The following ZSCAN5A variants were observed in gnomAD, a reference collection of about 807,000 sequenced individuals.
The protein encoded by ZSCAN5A is zinc finger and SCAN domain containing 5A.
ZSCAN5A carries 12 observed loss-of-function variants against 23.7 expected under a neutral mutation model. The observed-to-expected ratio is 0.51, with a 90% CI of 0.32 to 0.82. The LOEUF is 0.82. ZSCAN5A is among the 40% of genes least tolerant of loss of function. The pLI is 0.03. For synonymous variants in ZSCAN5A, 257 were observed against 239.9 expected, an observed-to-expected ratio of 1.07 and a Z score of -0.66; for missense variants, 597 against 617.9, an observed-to-expected ratio of 0.97 and a Z score of 0.36.
intron 2 of ZSCAN5A, among the ~76,000 whole-genome samples, chr19:56,249,034 T>C (rs1236194728): frequency 6.6e-6 from 1 of 152,106 alleles, no homozygotes; most frequent in Non-Finnish European, 1.5e-5. Flanking sequence ...CTCTCTGCTC[T>C]GCCTATTTAT....
At position 56,243,980 on chromosome 19, in the gene ZSCAN5A, C is replaced by A. The variant is rs2035638447; in HGVS notation, c.-127-18807G>T. 6.1e-6 allele frequency: 4 copies of A among 650,956 alleles called. No individual in the cohort carries two copies. The Admixed American group carries it at 8.3e-5, about 13-fold the overall frequency. The allele number at this position is 650,956 out of a possible 1,614,324, so 40.3% of individuals were successfully genotyped here. ...AAAGGAGGCCTGTCTAGATAGGTCT[C>A]AATTAGACACCAGCTACTGGAAGAA... On this transcript the variant is annotated intron_variant, in intron 2 of 5. Coordinates refer to ENST00000683990, the MANE Select transcript of ZSCAN5A (RefSeq NM_001322064.3).
intron 2 of ZSCAN5A, among the ~76,000 whole-genome samples, chr19:56,303,253 C>T (rs183972509): frequency 6.6e-6 from 1 of 151,842 alleles, no homozygotes; most frequent in Admixed American, 6.6e-5. Context: ...GCTGAGGCGG[C>T]TGGATCACGA....
chr19:56,294,897 C>T (rs2039757048), intron 2 of ZSCAN5A, among the ~76,000 whole-genome samples: 1 of 152,200 alleles, frequency 6.6e-6, no homozygotes, highest in South Asian at 2.1e-4. Context: ...TAGGGTATGA[C>T]TCTGTCTCTA....
At chr19:56,244,927 A>G (rs932877275) in intron 2 of ZSCAN5A, among the ~76,000 whole-genome samples, 10 of 152,150 alleles carry the variant, frequency 6.6e-5, no homozygotes, top group Admixed American at 2.0e-4. Flanking sequence ...ATGAGCCCCT[A>G]AGTTCTAATA....
At chr19:56,255,448 A>C (rs1393389819) in intron 2 of ZSCAN5A, among the ~76,000 whole-genome samples, 4 of 151,982 alleles carry the variant, frequency 2.6e-5, no homozygotes, top group Admixed American at 6.6e-5. Flanking sequence ...AAACAGAAAA[A>C]CAAAAAACCC....
At chr19:56,234,427 G>A (rs188249828) in intron 2 of ZSCAN5A, among the ~76,000 whole-genome samples, 5 of 152,248 alleles carry the variant, frequency 3.3e-5, no homozygotes, top group African/African-American at 2.4e-5. Context: ...TCTGAGGCAG[G>A]AGAATAGGGT....
chr19:56,240,007 C>A (rs1175785899), intron 2 of ZSCAN5A, among the ~76,000 whole-genome samples: 1 of 151,844 alleles, frequency 6.6e-6, no homozygotes, highest in Non-Finnish European at 1.5e-5. Flanking sequence ...ACTAAAAATA[C>A]AAAAATTAGC....
Position 56,222,029 on chromosome 19 carries a change from T to G in ZSCAN5A, c.1037A>C (p.Asp346Ala). The G allele has an allele frequency of 6.2e-7, 1 of 1,614,166 alleles. No individual in the cohort carries two copies. The highest frequency in any genetic ancestry group is 1.1e-5 in the South Asian group (1 of 91,080). Reference protein sequence around the residue: ...PGPASPVSHPDGQEAKALPPF... With the variant: ...PGPASPVSHPAGQEAKALPPF... ...CGGCAGTGCCTTGGCTTCTTGGCCATCCGGGTGACTGACTGGGCTCGCAGG... is the reference window on the plus strand; with the variant it reads ...CGGCAGTGCCTTGGCTTCTTGGCCAGCCGGGTGACTGACTGGGCTCGCAGG... Residue 346 changes from aspartate to alanine, a missense_variant, in exon 6 of 6, where the codon GAT (aspartate) becomes GCT (alanine). Asp to Ala is a moderately radical substitution (Grantham distance 126). Around this residue, in one of 5 missense-constraint regions of ZSCAN5A, gnomAD observed 406 missense variants for 353.2 expected, o/e 1.15. Transcript: ENST00000683990.
intron 2 of ZSCAN5A, among the ~76,000 whole-genome samples, chr19:56,311,741 T>C (rs540021658): frequency 1.3e-5 from 2 of 152,306 alleles, no homozygotes; most frequent in African/African-American, 4.8e-5. Flanking sequence ...ATGTGTGCCA[T>C]GGTAGTTTGC....
chr19:56,284,982 A>T, intron 2 of ZSCAN5A: 1 of 984,726 alleles, frequency 1.0e-6, no homozygotes, highest in Non-Finnish European at 1.2e-6. Flanking sequence ...ATCATGTGTT[A>T]TGTCTTCTTC....
rs951759220 is a variant in ZSCAN5A at position 56,281,617 on chromosome 19, GTTAATA to G, written c.-128+31660_-128+31665del. The G allele has an allele frequency of 2.8e-5, 22 of 773,964 alleles. No homozygotes were observed. The African/African-American group carries it at 3.8e-4, about 13-fold the overall frequency. 47.9% of individuals were successfully genotyped at this position (773,964 alleles called of 1,614,324 possible). On this transcript the variant is annotated intron_variant, in intron 2 of 5. Coordinates refer to ENST00000683990, the MANE Select transcript of ZSCAN5A (RefSeq NM_001322064.3). ...GTAAAAATTAACAGAGATGGATGAT[GTTAATA>G]TTAATTCCACTCTCTTCCTTGAATT...
At chr19:56,327,090 A>C (rs1439811017) in intron 2 of ZSCAN5A, among the ~76,000 whole-genome samples, 1 of 151,868 alleles carries the variant, frequency 6.6e-6, no homozygotes, top group Non-Finnish European at 1.5e-5. Flanking sequence ...GATAGAGTCT[A>C]ATTTCAGGTG....
At chr19:56,361,363 C>T (rs1302443584) in intron 2 of ZSCAN5A, among the ~76,000 whole-genome samples, 1 of 152,044 alleles carries the variant, frequency 6.6e-6, no homozygotes, top group East Asian at 1.9e-4. Context: ...GGGTATATAC[C>T]CAAAGGAATA....
intron 2 of ZSCAN5A, among the ~76,000 whole-genome samples, chr19:56,236,814 G>C (rs1319885830): frequency 1.4e-5 from 2 of 146,334 alleles, no homozygotes; most frequent in Non-Finnish European, 3.0e-5. Flanking sequence ...TCTGATGGAC[G>C]GTGGGCCAAG....
Position 56,230,376 on chromosome 19 carries a change from A to G in ZSCAN5A, c.-127-5203T>C, listed in dbSNP as rs551686825. 4.6e-5 allele frequency among the ~76,000 whole-genome samples: 7 copies of G among 152,152 alleles called. No individual in the cohort carries two copies. The East Asian group carries it at 1.4e-3, about 29-fold the overall frequency. ...CGGGATTACAGGCATGAGCCACCAT[A>G]CCCGGCCCCAACATATTATTATTAA... On this transcript the variant is annotated intron_variant, in intron 2 of 5. Transcript: ENST00000683990.
intron 2 of ZSCAN5A, among the ~76,000 whole-genome samples, chr19:56,276,476 C>T (rs572789554): frequency 1.6e-4 from 23 of 145,624 alleles, no homozygotes; most frequent in Middle Eastern, 3.6e-3. Flanking sequence ...ACTGAACACG[C>T]GAAAAAAATT....
rs1440493980 is a variant in ZSCAN5A, at chr19:56,351,297, C to T, written c.-358+11938G>A. 6.6e-6 allele frequency among the ~76,000 whole-genome samples: 1 copy of T among 151,998 alleles called. No individual in the cohort carries two copies. Among genetic ancestry groups the T allele is most frequent in the African/African-American group, 2.4e-5 (1 of 41,374 alleles). ...ACTGGGTCCACTCAACATGGTGATT[C>T]CCACCGTCTTCTCCTTGTTACCACC... On this transcript the variant is annotated intron_variant, in intron 2 of 6. Coordinates refer to the ZSCAN5A transcript ENST00000587340. This position sits in a 1 kb window ranked among gnomAD's most constrained non-coding sequence, Gnocchi z 4.8.
chr19:56,345,821 G>A (rs2041627884), intron 2 of ZSCAN5A, among the ~76,000 whole-genome samples: 1 of 152,156 alleles, frequency 6.6e-6, no homozygotes, highest in Admixed American at 6.5e-5. Context: ...ATTTCTAACT[G>A]TCTAAACTAT....
intron 2 of ZSCAN5A, chr19:56,280,536 A>C (rs2038614722): frequency 6.6e-6 from 1 of 152,172 alleles, no homozygotes; most frequent in Admixed American, 6.5e-5. Context: ...TTTCTTTATC[A>C]TCTAGATATA....
Sources: gnomAD v4.1 joint callset for allele counts (sites outside exome capture counted in the v4.1 genomes callset) on GRCh38, gnomAD v4.1.1 for gene constraint, gnomAD v4.1.1 regional missense constraint, Gnocchi (gnomAD v3.1) non-coding constraint, MANE v1.5 for transcripts, NCBI Gene and HGNC (gene_info 2026-07-23, HGNC 2026-07-21) for gene names.